ADAM32: variants seen among roughly 807,000 people sequenced by gnomAD.
ADAM32 encodes the protein disintegrin and metalloproteinase domain-containing protein 32.
ADAM32 carries 89 observed loss-of-function variants against 114.9 expected under a neutral mutation model. The ratio of observed to expected loss-of-function variants is 0.77; its 90% confidence interval spans 0.65 to 0.92. The LOEUF is 0.92. Among genes scored for constraint, ADAM32 ranks in the 40% least tolerant of loss-of-function variants. The probability of loss-of-function intolerance (pLI) is 0.00; values close to 1 mark genes in which losing one functional copy is unlikely to be tolerated. For missense variants in ADAM32, 870 were observed against 932.8 expected (o/e 0.93, Z 0.88); for synonymous variants, 285 against 307.5 (o/e 0.93, Z 0.77).
At chr8:39,204,480 A>G (rs1330604281) in intron 11 of ADAM32, among the ~76,000 whole-genome samples, 1 of 152,192 alleles carries the variant, frequency 6.6e-6, no homozygotes, top group Non-Finnish European at 1.5e-5. Flanking sequence ...TTTCAGCTCC[A>G]TCAGGTCATT....
intron 6 of ADAM32, chr8:39,158,547 C>A: frequency 2.9e-6 from 1 of 347,274 alleles, no homozygotes; most frequent in Non-Finnish European, 5.5e-6. Context: ...ATGTGTCATG[C>A]CAGCCTTGTA....
At chr8:39,244,621 C>A (rs932902044) in intron 16 of ADAM32, among the ~76,000 whole-genome samples, 7 of 152,160 alleles carry the variant, frequency 4.6e-5, no homozygotes, top group Non-Finnish European at 1.0e-4. Context: ...ACTGGATCCT[C>A]ATCTCTCACC....
chr8:39,171,268 T>C (rs1185900819), intron 10 of ADAM32, among the ~76,000 whole-genome samples: 2 of 152,028 alleles, frequency 1.3e-5, no homozygotes, highest in South Asian at 2.1e-4. Flanking sequence ...GATAGCACAA[T>C]AGGGTGACTA....
chr8:39,111,718 CTCAAAA>C (rs1564418541), intron 1 of ADAM32, among the ~76,000 whole-genome samples: 3 of 33,544 alleles, frequency 8.9e-5, no homozygotes, highest in Non-Finnish European at 5.9e-5. Flanking sequence ...AAGACTCTTT[CTCAAAA>C]AAAAAAAAAA....
chr8:39,202,683 G>A (rs942028620), intron 11 of ADAM32, among the ~76,000 whole-genome samples: 2 of 152,058 alleles, frequency 1.3e-5, no homozygotes, highest in African/African-American at 4.8e-5. Flanking sequence ...GCTTTTGAAT[G>A]TGTTTGCTCT....
At chr8:39,136,440 A>T (rs192168960) in intron 2 of ADAM32, among the ~76,000 whole-genome samples, 40 of 152,342 alleles carry the variant, frequency 2.6e-4, no homozygotes, top group Admixed American at 1.4e-3. Flanking sequence ...GTAAATCCTT[A>T]GACTGGGTTT....
At chr8:39,267,670 C>T (rs190493895) in intron 19 of ADAM32, among the ~76,000 whole-genome samples, 68 of 152,194 alleles carry the variant, frequency 4.5e-4, no homozygotes, top group African/African-American at 1.6e-3. Flanking sequence ...ATGAGAGCAC[C>T]CCAAACAGAG....
chr8:39,175,684 G>A (rs1418521037), intron 10 of ADAM32, among the ~76,000 whole-genome samples: 1 of 152,098 alleles, frequency 6.6e-6, no homozygotes, highest in East Asian at 1.9e-4. Context: ...GGATGACGCT[G>A]GGTTCATAAA....
chr8:39,110,885 C>T (rs1840128617), intron 1 of ADAM32, among the ~76,000 whole-genome samples: 1 of 152,174 alleles, frequency 6.6e-6, no homozygotes, highest in African/African-American at 2.4e-5. Flanking sequence ...TCCTCATGTC[C>T]TCCTGCTTCC....
At position 39,151,230 on chromosome 8, in the gene ADAM32, T is replaced by C. The variant is rs1216956673; in HGVS notation, c.354-147T>C. 5 of 622,812 alleles carry C rather than the reference T, an allele frequency of 8.0e-6. 1 individual carries two copies. Among genetic ancestry groups the C allele is most frequent in the African/African-American group, 1.9e-5 (1 of 51,720 alleles). 38.6% of individuals were successfully genotyped at this position (622,812 alleles called of 1,614,324 possible). A position where few individuals can be genotyped will look rare whatever the true frequency, so the allele number is the denominator to read the frequency against. On this transcript the variant is annotated intron_variant, in intron 5 of 24. Coordinates refer to ENST00000379907, the MANE Select transcript of ADAM32 (RefSeq NM_145004.7). ...GGGTTTTGTGGATTTGGGAAATCTT[T>C]TGTCTCTTCAGAGTCATCTCTAAGA...
At chr8:39,120,807 A>G (rs1287287690) in intron 2 of ADAM32, among the ~76,000 whole-genome samples, 14 of 152,074 alleles carry the variant, frequency 9.2e-5, no homozygotes, top group South Asian at 8.3e-4. Flanking sequence ...CACAGATAGA[A>G]ATGAGAAATG....
chr8:39,183,392 C>T (rs1249383870), intron 10 of ADAM32, among the ~76,000 whole-genome samples: 1 of 152,220 alleles, frequency 6.6e-6, no homozygotes, highest in Non-Finnish European at 1.5e-5. Flanking sequence ...CTAATTCACC[C>T]CTACCATACC....
intron 14 of ADAM32, 95 bp downstream of exon 14, chr8:39,223,333 T>TTCCAC: frequency 6.6e-6 from 5 of 759,064 alleles, no homozygotes; most frequent in South Asian, 4.0e-5. Context: ...AAATGTGGAA[T>TTCCAC]GTTTTATATA....
intron 2 of ADAM32, among the ~76,000 whole-genome samples, chr8:39,132,845 A>G (rs1422866225): frequency 2.6e-5 from 4 of 151,952 alleles, no homozygotes; most frequent in Non-Finnish European, 5.9e-5. Context: ...GTATTAATGC[A>G]GCTTCCTTGT....
At chr8:39,260,917 G>A (rs1811981368) in intron 19 of ADAM32, among the ~76,000 whole-genome samples, 1 of 151,584 alleles carries the variant, frequency 6.6e-6, no homozygotes, top group African/African-American at 2.4e-5. Context: ...TTAATTGCAA[G>A]TTTTATTTTT....
At chr8:39,136,387 A>G (rs1405318342) in intron 2 of ADAM32, among the ~76,000 whole-genome samples, 2 of 152,212 alleles carry the variant, frequency 1.3e-5, no homozygotes, top group Non-Finnish European at 1.5e-5. Flanking sequence ...CTATTCATTC[A>G]TAAGAGGTTA....
intron 17 of ADAM32, 85 bp downstream of exon 17, chr8:39,246,251 C>CA: frequency 8.3e-7 from 1 of 1,210,604 alleles, no homozygotes; most frequent in Non-Finnish European, 1.2e-6. Flanking sequence ...TTTTGGGTCA[C>CA]TACCATGTGA....
chr8:39,271,269 T>G (rs978084696), intron 20 of ADAM32, among the ~76,000 whole-genome samples: 1 of 152,144 alleles, frequency 6.6e-6, no homozygotes, highest in African/African-American at 2.4e-5. Flanking sequence ...ATAAACCACA[T>G]GTATGATGGT....
chr8:39,111,850 G>A (rs1267069201), intron 1 of ADAM32, among the ~76,000 whole-genome samples: 4 of 150,704 alleles, frequency 2.7e-5, no homozygotes, highest in Admixed American at 2.6e-4. Context: ...TAAATTTGAT[G>A]TAAAAGCTAT....
Sources: gnomAD v4.1 joint callset for allele counts (sites outside exome capture counted in the v4.1 genomes callset) on GRCh38, gnomAD v4.1.1 for gene constraint, MANE v1.5 for transcripts, NCBI Gene and HGNC (gene_info 2026-07-23, HGNC 2026-07-21) for gene names.